CDH17: variants seen among roughly 807,000 people sequenced by gnomAD.
CDH17 encodes cadherin-17.
A neutral mutation model predicts 86.3 loss-of-function variants in CDH17; 67 were observed. The observed-to-expected ratio is 0.78, with a 90% confidence interval of 0.64 to 0.95. The LOEUF (loss-of-function observed/expected upper bound fraction) is 0.95. Ranked by LOEUF, CDH17 falls within the 40% of genes least tolerant of loss-of-function variation. The pLI, the probability that CDH17 is intolerant of heterozygous loss-of-function variation, is 0.00. For synonymous variants in CDH17, 367 were observed against 366.4 expected (o/e 1.00, Z -0.02); for missense variants, 993 against 1,017.6 (o/e 0.98, Z 0.33).
chr8:94,194,508 C>T, intron 2 of CDH17, 127 bp downstream of exon 2: 1 of 702,980 alleles, frequency 1.4e-6, no homozygotes. Flanking sequence ...CCATTCTATA[C>T]AACAACTTAA....
At chr8:94,145,834 A>G (rs1812730092) in intron 15 of CDH17, 94 bp downstream of exon 15, 11 of 1,330,184 alleles carry the variant, frequency 8.3e-6, no homozygotes, top group Non-Finnish European at 1.1e-5. Flanking sequence ...CATGAAAGAA[A>G]GCTCTTTGCT....
chr8:94,176,636 A>G lies in CDH17; in HGVS notation c.329T>C (p.Val110Ala). 1 of 1,613,468 alleles carries G rather than the reference A, an allele frequency of 6.2e-7. No individual in the cohort carries two copies. Among genetic ancestry groups the G allele is most frequent in the Non-Finnish European group, 8.5e-7 (1 of 1,179,594 alleles). The change falls in exon 5 of 18, where the codon GTC becomes GCC. Residue 110 changes from valine to alanine, a missense_variant. Val to Ala is a moderately conservative substitution (Grantham distance 64). Coordinates refer to ENST00000027335, the MANE Select transcript of CDH17 (RefSeq NM_004063.4). ...DANGIIVEGP[V>A]PITIKVKDIN... Reference sequence around the variant, plus strand: ...GTCCTTCACTTTTATGGTGATAGGGACTGGACCCTCCACTATAATTCCATT... The same window carrying G: ...GTCCTTCACTTTTATGGTGATAGGGGCTGGACCCTCCACTATAATTCCATT...
At chr8:94,155,043 CTG>C (rs1305048513) in intron 12 of CDH17, among the ~76,000 whole-genome samples, 2 of 152,048 alleles carry the variant, frequency 1.3e-5, no homozygotes, top group Admixed American at 6.5e-5. Flanking sequence ...AGGGTGGGAA[CTG>C]TGTGTGAAGA....
At chr8:94,206,263 CCTT>C (rs1563592971) in intron 1 of CDH17, among the ~76,000 whole-genome samples, 1 of 152,078 alleles carries the variant, frequency 6.6e-6, no homozygotes, top group Admixed American at 6.6e-5. Flanking sequence ...AGTAAACATT[CCTT>C]CTTCTTCCTG....
chr8:94,159,654 A>G (rs1813011434), intron 12 of CDH17, among the ~76,000 whole-genome samples: 1 of 152,222 alleles, frequency 6.6e-6, no homozygotes, highest in African/African-American at 2.4e-5. Context: ...AGTTTTTAGT[A>G]TAAGTGCATC....
intron 12 of CDH17, 92 bp from the exon 13 acceptor site, chr8:94,152,204 A>G: frequency 7.4e-7 from 1 of 1,357,562 alleles, no homozygotes; most frequent in Non-Finnish European, 1.0e-6. Flanking sequence ...CATATATTCG[A>G]TATATAATAT....
chr8:94,195,286 C>T (rs1813761690), intron 1 of CDH17, among the ~76,000 whole-genome samples: 1 of 151,904 alleles, frequency 6.6e-6, no homozygotes, highest in Admixed American at 6.6e-5. Flanking sequence ...TACAGATGCC[C>T]AGCCAGCAAT....
At chr8:94,213,155 T>G (rs1235334922), upstream of CDH17, among the ~76,000 whole-genome samples, 1 of 152,156 alleles carries the variant, frequency 6.6e-6, no homozygotes, top group African/African-American at 2.4e-5. Context: ...TTAAAATTTT[T>G]TGTAGAGATA....
intron 1 of CDH17, among the ~76,000 whole-genome samples, chr8:94,199,083 A>ATATATTTTT (rs1283889347): frequency 4.3e-5 from 1 of 23,224 alleles, no homozygotes; most frequent in African/African-American, 1.1e-4. Flanking sequence ...ATATATATAT[A>ATATATTTTT]TTTTTTTTTT....
At chr8:94,173,084 G>A (rs2130640221) in intron 7 of CDH17, among the ~76,000 whole-genome samples, 1 of 152,136 alleles carries the variant, frequency 6.6e-6, no homozygotes, top group African/African-American at 2.4e-5. Context: ...CCCACTGCAG[G>A]GCTGCCATAT....
At position 94,127,409 on chromosome 8, in the gene CDH17, A is replaced by G. The variant is rs539872847; in HGVS notation, c.*831T>C. Reference sequence around the variant, plus strand: ...CTTCTGTGGGTCTGTGTCATTTCCAAGTTGAAGAATTTCAGCCAAAGAGCA... The same window carrying G: ...CTTCTGTGGGTCTGTGTCATTTCCAGGTTGAAGAATTTCAGCCAAAGAGCA... On this transcript the variant is annotated 3_prime_UTR_variant, in exon 18 of 18. Transcript: ENST00000027335. The G allele has an allele frequency of 3.9e-5, 6 of 152,374 alleles. No individual in the cohort carries two copies. Among genetic ancestry groups the G allele is most frequent in the Non-Finnish European group, 7.3e-5 (5 of 68,044 alleles). The allele number at this position is 152,374 out of a possible 1,614,324, so 9.4% of individuals were successfully genotyped here. A position where few individuals can be genotyped will look rare whatever the true frequency, so the allele number is the denominator to read the frequency against.
chr8:94,149,978 A>T (rs1312091834), intron 13 of CDH17, among the ~76,000 whole-genome samples: 4 of 152,360 alleles, frequency 2.6e-5, no homozygotes, highest in African/African-American at 9.6e-5. Context: ...AAAGTTTAAA[A>T]AGAATTACAT....
Position 94,162,167 on chromosome 8 carries a change from A to G in CDH17, c.1283-5T>C. 1 of 1,583,300 alleles carries G rather than the reference A, an allele frequency of 6.3e-7. No individual in the cohort carries two copies. Among genetic ancestry groups the G allele is most frequent in the Non-Finnish European group, 8.7e-7 (1 of 1,152,548 alleles). On this transcript the variant is annotated splice_polypyrimidine_tract_variant and splice_region_variant and intron_variant, in intron 10 of 17. Coordinates refer to ENST00000027335, the MANE Select transcript of CDH17 (RefSeq NM_004063.4). ...CAAAACAAAGGGTCTTGAAATCTGA[A>G]AACCAAAGTCATATGTCATAGAAAT...
At chr8:94,212,499 G>GT (rs34678816), upstream of CDH17, among the ~76,000 whole-genome samples, 74,082 of 148,012 alleles carry the variant, frequency 0.5, 19,615 homozygotes, top group Non-Finnish European at 0.62. Flanking sequence ...CTGTTGTTGA[G>GT]TTTTTTTTTT....
intron 14 of CDH17, among the ~76,000 whole-genome samples, chr8:94,147,732 G>A (rs936838984): frequency 6.6e-6 from 1 of 152,084 alleles, no homozygotes; most frequent in Non-Finnish European, 1.5e-5. Flanking sequence ...TTTTAAAAAA[G>A]TTCTCTGGAA....
rs1813143747 is a variant in CDH17, at chr8:94,165,925, G to T, written c.1118C>A (p.Ala373Asp). 1 of 1,613,824 alleles carries T rather than the reference G, an allele frequency of 6.2e-7. No homozygotes were observed. Among genetic ancestry groups the T allele is most frequent in the Non-Finnish European group, 8.5e-7 (1 of 1,179,850 alleles). ...TAHDRDEENT[A>D]NSFLNYRIVE... ...AATCCTGTAGTTTAGAAAACTGTTG[G>T]CAGTATTTTCTTCATCCCTGTCATG... Residue 373 changes from alanine to aspartate, a missense_variant, in exon 10 of 18, where the codon GCC becomes GAC. Physicochemically the swap from Ala to Asp is moderately radical, Grantham distance 126. Coordinates refer to ENST00000027335, the MANE Select transcript of CDH17 (RefSeq NM_004063.4).
chr8:94,200,532 C>CTTTTTTTTTTTTTTT lies in CDH17; in HGVS notation c.-20-5828_-20-5827insAAAAAAAAAAAAAAA, dbSNP rs1387182561. ...TAGATCAGAGGGTTATTATTATTAT[C>CTTTTTTTTTTTTTTT]TTTTGTTTTTTTTTTTTTTTTTTTT... On this transcript the variant is annotated intron_variant, in intron 1 of 17. Transcript: ENST00000027335. Among the ~76,000 whole-genome samples the CTTTTTTTTTTTTTTT allele has an allele frequency of 1.6e-4, 8 of 50,236 alleles. 3 individuals carry two copies. The highest frequency in any genetic ancestry group is 4.7e-4 in the Admixed American group (2 of 4,268). 33.0% of individuals were successfully genotyped at this position (50,236 alleles called of 152,430 possible).
chr8:94,146,716 G>A (rs112701477), intron 14 of CDH17, among the ~76,000 whole-genome samples: 3,856 of 152,272 alleles, frequency 0.025, 161 homozygotes, highest in African/African-American at 0.088. Context: ...CAGTGCTTTG[G>A]TTTCCTTGTT....
At chr8:94,197,942 A>G (rs932987492) in intron 1 of CDH17, among the ~76,000 whole-genome samples, 1 of 152,160 alleles carries the variant, frequency 6.6e-6, no homozygotes, top group African/African-American at 2.4e-5. Context: ...AATTGAGGTT[A>G]AAAGTCAAGC....
Sources: allele counts gnomAD v4.1 joint callset (sites outside exome capture counted in the v4.1 genomes callset), GRCh38; gene constraint gnomAD v4.1.1; transcripts MANE v1.5; gene names NCBI Gene and HGNC (gene_info 2026-07-23, HGNC 2026-07-21).